MCF2L2: variants seen among roughly 807,000 people sequenced by gnomAD.
The protein encoded by MCF2L2 is probable guanine nucleotide exchange factor MCF2L2.
MCF2L2 carries 102 observed loss-of-function variants against 150.2 expected under a neutral mutation model. That is an observed-to-expected ratio of 0.68 (90% CI 0.58 to 0.80). The LOEUF (loss-of-function observed/expected upper bound fraction) is 0.80. Among genes scored for constraint, MCF2L2 ranks in the 30% least tolerant of loss-of-function variants. MCF2L2 has a pLI of 0.00. For missense variants in MCF2L2, 1,256 were observed against 1,372.8 expected (o/e 0.91, Z 1.34); for synonymous variants, 465 against 491.3 (o/e 0.95, Z 0.71).
intron 1 of MCF2L2, among the ~76,000 whole-genome samples, chr3:183,418,771 C>T (rs2108630558): frequency 6.6e-6 from 1 of 152,372 alleles, no homozygotes; most frequent in African/African-American, 2.4e-5. Flanking sequence ...CCTTGGGCAT[C>T]TCTGCCCCTG....
At chr3:183,260,656 T>A (rs531802615) in intron 15 of MCF2L2, among the ~76,000 whole-genome samples, 33 of 152,246 alleles carry the variant, frequency 2.2e-4, no homozygotes, top group African/African-American at 7.7e-4. Context: ...TCATTTGAAA[T>A]TCCCCGTCTT....
intron 3 of MCF2L2, among the ~76,000 whole-genome samples, chr3:183,361,028 A>AGACC (rs1560040207): frequency 7.0e-5 from 10 of 143,450 alleles, no homozygotes; most frequent in African/African-American, 2.2e-4. Context: ...GAAAAGAGAA[A>AGACC]AGAAAAGGAA....
At chr3:183,219,963 A>G (rs1479037565) in intron 20 of MCF2L2, 39 bp from the exon 21 acceptor site, 2 of 1,429,910 alleles carry the variant, frequency 1.4e-6, no homozygotes, top group Non-Finnish European at 2.0e-6. Context: ...ATTAAAATGT[A>G]CATTGCCATC....
At chr3:183,349,512 G>A (rs1056968062) in intron 3 of MCF2L2, among the ~76,000 whole-genome samples, 3 of 152,164 alleles carry the variant, frequency 2.0e-5, no homozygotes, top group African/African-American at 7.2e-5. Flanking sequence ...AGGGGACACA[G>A]AATGAGCAAA....
At chr3:183,205,804 C>G (rs935318464) in intron 25 of MCF2L2, 72 bp downstream of exon 25, 21 of 1,124,602 alleles carry the variant, frequency 1.9e-5, no homozygotes, top group Admixed American at 6.1e-5. Context: ...CACAATATCC[C>G]CAATTTGCAC....
intron 1 of MCF2L2, among the ~76,000 whole-genome samples, chr3:183,420,843 G>A (rs1162242979): frequency 6.6e-6 from 1 of 152,100 alleles, no homozygotes; most frequent in Non-Finnish European, 1.5e-5. Context: ...ATAGCCTGGG[G>A]AAAAACCACT....
chr3:183,323,204 C>G (rs752025747), intron 6 of MCF2L2, 31 bp downstream of exon 6: 1 of 1,452,174 alleles, frequency 6.9e-7, no homozygotes, highest in Non-Finnish European at 9.6e-7. Context: ...CAAGGAGAGA[C>G]AGTGAAAAGC....
rs528601663 is a variant in MCF2L2 at position 183,303,943 on chromosome 3, C to T, written c.1114-3747G>A. The stretch of plus-strand genomic sequence containing the variant: ...AAGTCCTCTTCCACTTCCTCAACTC[C>T]ATTCTCTGCTGCAACCATACTAATT... On this transcript the variant is annotated intron_variant, in intron 10 of 29. Transcript: ENST00000328913. Among the ~76,000 whole-genome samples the T allele has an allele frequency of 1.9e-3, 287 of 152,238 alleles. 7 individuals are homozygous for T. Among genetic ancestry groups the T allele is most frequent in the Admixed American group, 0.018 (274 of 15,280 alleles).
intron 21 of MCF2L2, among the ~76,000 whole-genome samples, chr3:183,217,877 A>G (rs1230519276): frequency 6.6e-6 from 1 of 152,200 alleles, no homozygotes; most frequent in Non-Finnish European, 1.5e-5. Flanking sequence ...CCACAGTGAC[A>G]TTTAGGATGT....
At chr3:183,277,610 G>A (rs1309757980) in intron 14 of MCF2L2, among the ~76,000 whole-genome samples, 1 of 151,540 alleles carries the variant, frequency 6.6e-6, no homozygotes, top group Non-Finnish European at 1.5e-5. Context: ...TGGGATACTA[G>A]TTTTGCCAAT....
At chr3:183,288,294 T>C (rs182786456) in intron 14 of MCF2L2, among the ~76,000 whole-genome samples, 305 of 152,272 alleles carry the variant, frequency 2.0e-3, no homozygotes, top group Non-Finnish European at 3.5e-3. Context: ...GAAATAATTA[T>C]ATTAAGTCAC....
intron 20 of MCF2L2, among the ~76,000 whole-genome samples, chr3:183,220,212 A>G (rs948054856): frequency 6.6e-6 from 1 of 151,906 alleles, no homozygotes; most frequent in Admixed American, 6.6e-5. Flanking sequence ...ATGGGCTTTG[A>G]TTGTGGTAGA....
At chr3:183,308,825 G>C (rs1319430469) in intron 10 of MCF2L2, among the ~76,000 whole-genome samples, 1 of 152,190 alleles carries the variant, frequency 6.6e-6, no homozygotes, top group Non-Finnish European at 1.5e-5. Context: ...CATCTGTGCT[G>C]CTGGCCAGAG....
intron 3 of MCF2L2, among the ~76,000 whole-genome samples, chr3:183,369,611 C>A (rs182323611): frequency 4.5e-4 from 68 of 152,250 alleles, no homozygotes; most frequent in Admixed American, 4.4e-3. Flanking sequence ...AACATAAATT[C>A]CTGTTCCCTC....
At chr3:183,357,502 AC>A (rs1424157958) in intron 3 of MCF2L2, among the ~76,000 whole-genome samples, 68 of 152,318 alleles carry the variant, frequency 4.5e-4, no homozygotes, top group African/African-American at 1.6e-3. Flanking sequence ...CAAATCTGAA[AC>A]TTTTTCAGCA....
At chr3:183,247,153 G>C (rs866088868) in intron 15 of MCF2L2, among the ~76,000 whole-genome samples, 1 of 152,178 alleles carries the variant, frequency 6.6e-6, no homozygotes, top group East Asian at 1.9e-4. Flanking sequence ...TCAGGGCTCC[G>C]AGCACTAAGT....
intron 25 of MCF2L2, among the ~76,000 whole-genome samples, chr3:183,204,087 G>A (rs1265296035): frequency 6.6e-6 from 1 of 152,134 alleles, no homozygotes; most frequent in Non-Finnish European, 1.5e-5. Flanking sequence ...AGGAACTTGG[G>A]CCCCTAATTC....
chr3:183,318,140 T>C lies in MCF2L2; in HGVS notation c.681A>G (p.Ala227=). Residue 227 remains alanine, a synonymous_variant, in exon 7 of 30, where the codon GCA becomes GCG. Coordinates refer to ENST00000328913, the MANE Select transcript of MCF2L2 (RefSeq NM_015078.4). The part of the protein sequence containing the change: ...LQTFGSCLAT[A]ELPRSMLSTE... ...TGGATAGCATGCTTCTGGGCAGCTC[T>C]GCTGTGGCCAGGCAGGACCCAAACG... 6.2e-7 allele frequency: 1 copy of C among 1,614,226 alleles called. No individual in the cohort carries two copies. Among genetic ancestry groups the C allele is most frequent in the Non-Finnish European group, 8.5e-7 (1 of 1,180,042 alleles).
Position 183,215,959 on chromosome 3 carries a change from T to C in MCF2L2, c.2496+10A>G, listed in dbSNP as rs768264282. On this transcript the variant is annotated intron_variant, in intron 22 of 29. Transcript: ENST00000328913. ...TGTGTGAGATGCTCTAACACTACTA[T>C]GGAACATACCGGACATTCAGTCACT... is the stretch of plus-strand genomic sequence containing the variant. The C allele has an allele frequency of 3.7e-6, 6 of 1,612,678 alleles. No individual in the cohort carries two copies. Among genetic ancestry groups the C allele is most frequent in the Non-Finnish European group, 4.2e-6 (5 of 1,179,250 alleles).
Sources: gnomAD v4.1 joint callset for allele counts (sites outside exome capture counted in the v4.1 genomes callset) on GRCh38, gnomAD v4.1.1 for gene constraint, MANE v1.5 for transcripts, NCBI Gene and HGNC (gene_info 2026-07-23, HGNC 2026-07-21) for gene names.